SLC35F4: variants seen among roughly 807,000 people sequenced by gnomAD.
The protein encoded by SLC35F4 is chromosome 14 open reading frame 36.
SLC35F4 carries 24 observed loss-of-function variants against 44.2 expected under a neutral mutation model. That is an observed-to-expected ratio of 0.54 (90% CI 0.39 to 0.76). The LOEUF (loss-of-function observed/expected upper bound fraction) is 0.76. Ranked by LOEUF, SLC35F4 falls within the 30% of genes least tolerant of loss-of-function variation. The pLI is 0.00. For synonymous variants in SLC35F4, 238 were observed against 223.6 expected (o/e 1.06, Z -0.57); for missense variants, 562 against 586.1 (o/e 0.96, Z 0.42).
chr14:57,959,393 T>C (rs920344316), intron 1 of SLC35F4, among the ~76,000 whole-genome samples: 3 of 152,170 alleles, frequency 2.0e-5, no homozygotes, highest in Non-Finnish European at 4.4e-5. Context: ...GTATCTGAAA[T>C]GTAGGAAATC....
intron 1 of SLC35F4, among the ~76,000 whole-genome samples, chr14:57,919,605 G>GA (rs1355362709): frequency 6.6e-6 from 1 of 152,174 alleles, no homozygotes; most frequent in African/African-American, 2.4e-5. Context: ...GGGTGGACCA[G>GA]TAACTAAGAC....
intron 1 of SLC35F4, among the ~76,000 whole-genome samples, chr14:57,644,430 C>G (rs928247827): frequency 6.7e-6 from 1 of 150,130 alleles, no homozygotes; most frequent in African/African-American, 2.4e-5. Context: ...TGAGAAGTGT[C>G]TGTTCATATC....
intron 1 of SLC35F4, among the ~76,000 whole-genome samples, chr14:57,896,786 G>A (rs546174027): frequency 5.9e-5 from 9 of 152,190 alleles, no homozygotes; most frequent in African/African-American, 2.2e-4. Context: ...CTCAACAAAT[G>A]TTTGTTTATG....
chr14:57,770,880 C>T (rs117797022), intron 1 of SLC35F4, among the ~76,000 whole-genome samples: 1 of 152,244 alleles, frequency 6.6e-6, no homozygotes, highest in Non-Finnish European at 1.5e-5. Flanking sequence ...GATTTATACC[C>T]AAAACCCTAT....
intron 6 of SLC35F4, among the ~76,000 whole-genome samples, chr14:57,568,391 A>G (rs906027336): frequency 2.0e-5 from 3 of 152,186 alleles, no homozygotes; most frequent in East Asian, 3.9e-4. Context: ...AGGCCATTGA[A>G]ATTTTACTTA....
intron 1 of SLC35F4, among the ~76,000 whole-genome samples, chr14:57,922,863 C>T (rs1889468916): frequency 6.6e-6 from 1 of 152,220 alleles, no homozygotes; most frequent in Non-Finnish European, 1.5e-5. Context: ...ATTCTGAGTG[C>T]TGGGATTAGT....
At chr14:57,978,766 C>A (rs756348517) in intron 1 of SLC35F4, among the ~76,000 whole-genome samples, 3 of 152,208 alleles carry the variant, frequency 2.0e-5, no homozygotes, top group African/African-American at 4.8e-5. Flanking sequence ...CTAAGCTCTT[C>A]CAAAATATAC....
chr14:57,914,301 C>A (rs901448487), intron 1 of SLC35F4, among the ~76,000 whole-genome samples: 1 of 152,190 alleles, frequency 6.6e-6, no homozygotes, highest in Non-Finnish European at 1.5e-5. Context: ...TGGTGGCTCA[C>A]GCCTGTAATC....
intron 1 of SLC35F4, among the ~76,000 whole-genome samples, chr14:57,826,080 A>T (rs1252028164): frequency 6.6e-6 from 1 of 152,224 alleles, no homozygotes; most frequent in Non-Finnish European, 1.5e-5. Flanking sequence ...AAAAGAACAA[A>T]GCTGGAGGCA....
chr14:57,730,760 C>T (rs2076323905), intron 1 of SLC35F4, among the ~76,000 whole-genome samples: 2 of 152,110 alleles, frequency 1.3e-5, no homozygotes, highest in East Asian at 1.9e-4. Flanking sequence ...GCTTCTGCAG[C>T]GACAGGTACC....
At chr14:57,961,886 G>A (rs1270070907) in intron 1 of SLC35F4, among the ~76,000 whole-genome samples, 2 of 152,050 alleles carry the variant, frequency 1.3e-5, no homozygotes, top group Non-Finnish European at 2.9e-5. Flanking sequence ...TTTCTCCCTA[G>A]CTCTTATTGT....
At chr14:57,664,149 C>T (rs755874713) in intron 1 of SLC35F4, among the ~76,000 whole-genome samples, 7 of 152,150 alleles carry the variant, frequency 4.6e-5, no homozygotes, top group Non-Finnish European at 7.4e-5. Context: ...TACTAATCTG[C>T]TGATGGCCAT....
intron 1 of SLC35F4, among the ~76,000 whole-genome samples, chr14:57,746,147 T>C (rs1289730070): frequency 1.3e-5 from 2 of 152,050 alleles, no homozygotes; most frequent in African/African-American, 4.8e-5. Context: ...GATGAGTTAA[T>C]GGGTGCAGCA....
At chr14:57,605,807 G>A (rs1315981518) in intron 1 of SLC35F4, among the ~76,000 whole-genome samples, 1 of 150,320 alleles carries the variant, frequency 6.7e-6, no homozygotes, top group Admixed American at 6.6e-5. Context: ...CACGTCCCTT[G>A]CAACAACACA....
intron 1 of SLC35F4, among the ~76,000 whole-genome samples, chr14:57,826,155 C>CA (rs1883741342): frequency 6.6e-6 from 1 of 152,076 alleles, no homozygotes; most frequent in African/African-American, 2.4e-5. Flanking sequence ...GGTACTGGTA[C>CA]AAAAACAGAC....
intron 2 of SLC35F4, among the ~76,000 whole-genome samples, chr14:57,592,368 T>C (rs1295485699): frequency 1.3e-5 from 2 of 152,256 alleles, no homozygotes; most frequent in Non-Finnish European, 2.9e-5. Flanking sequence ...ATGGTGAGCT[T>C]CTTTTCAGAT....
chr14:57,941,036 A>G (rs1204987973), intron 1 of SLC35F4, among the ~76,000 whole-genome samples: 1 of 152,210 alleles, frequency 6.6e-6, no homozygotes, highest in Non-Finnish European at 1.5e-5. Context: ...GGAAAATAAC[A>G]AGAAAAATTA....
chr14:57,839,216 G>A (rs895520156), intron 1 of SLC35F4, among the ~76,000 whole-genome samples: 3 of 152,084 alleles, frequency 2.0e-5, no homozygotes, highest in Admixed American at 6.6e-5. Flanking sequence ...ATATTTCTCT[G>A]TTCCTGTTCA....
At chr14:57,974,496 A>G (rs927357625), downstream of SLC35F4, among the ~76,000 whole-genome samples, 33 of 152,208 alleles carry the variant, frequency 2.2e-4, no homozygotes, top group African/African-American at 7.2e-4. Context: ...AATCTACCAT[A>G]GACAGGCTGC....
Sources: gnomAD v4.1 joint callset for allele counts (sites outside exome capture counted in the v4.1 genomes callset) on GRCh38, gnomAD v4.1.1 for gene constraint, MANE v1.5 for transcripts, NCBI Gene and HGNC (gene_info 2026-07-23, HGNC 2026-07-21) for gene names.